Variants in NTM observed in about 807,000 individuals in gnomAD.
NTM encodes neurotrimin.
NTM carries 13 observed loss-of-function variants against 42.1 expected under a neutral mutation model. The ratio of observed to expected loss-of-function variants is 0.31; its 90% CI spans 0.20 to 0.49. The LOEUF (loss-of-function observed/expected upper bound fraction) is 0.49, where lower values mean the gene tolerates loss of function less well. Among genes scored for constraint, NTM ranks in the 20% least tolerant of loss-of-function variants. NTM has a pLI of 0.99. For synonymous variants in NTM, 187 were observed against 179.2 expected (o/e 1.04, Z -0.35); for missense variants, 373 against 452.8 (o/e 0.82, Z 1.60).
chr11:132,174,021 T>C (rs188400177), intron 3 of NTM, among the ~76,000 whole-genome samples: 11 of 152,346 alleles, frequency 7.2e-5, no homozygotes, highest in African/African-American at 2.4e-4. Flanking sequence ...CCATGTCTTA[T>C]ACACCTGTTT....
intron 1 of NTM, among the ~76,000 whole-genome samples, chr11:131,572,919 C>A (rs775976598): frequency 5.9e-5 from 9 of 152,154 alleles, no homozygotes; most frequent in Admixed American, 4.6e-4. Context: ...GAGGAGAGCT[C>A]GGACCATGTC....
At chr11:131,456,141 A>C (rs10894396) in intron 1 of NTM, among the ~76,000 whole-genome samples, 2 of 152,002 alleles carry the variant, frequency 1.3e-5, no homozygotes, top group Admixed American at 6.5e-5. Flanking sequence ...AGCACTAGGC[A>C]TAAGTTGATT....
At chr11:132,334,508 G>GAGAT (rs2095852718) in intron 8 of NTM, among the ~76,000 whole-genome samples, 1 of 152,344 alleles carries the variant, frequency 6.6e-6, no homozygotes, top group African/African-American at 2.4e-5. Flanking sequence ...GCCCTGCCCT[G>GAGAT]AGATAGAGTG....
intron 1 of NTM, among the ~76,000 whole-genome samples, chr11:131,590,690 T>C (rs556362967): frequency 1.3e-5 from 2 of 152,338 alleles, no homozygotes; most frequent in Admixed American, 6.5e-5. Context: ...TAGAATACTA[T>C]TAAAACTCAT....
chr11:131,923,530 G>A (rs1357552010), intron 2 of NTM, among the ~76,000 whole-genome samples: 1 of 152,144 alleles, frequency 6.6e-6, no homozygotes, highest in Non-Finnish European at 1.5e-5. Flanking sequence ...CATTGAGGAG[G>A]AAATTGTCAG....
At chr11:131,641,632 G>A (rs901031831) in intron 1 of NTM, among the ~76,000 whole-genome samples, 15 of 152,120 alleles carry the variant, frequency 9.9e-5, no homozygotes, top group Non-Finnish European at 7.4e-5. Context: ...TTCTTTGAGA[G>A]GAAAAGACTA....
chr11:131,789,663 GAAGAAA>G (rs2090548343), intron 1 of NTM, among the ~76,000 whole-genome samples: 1 of 120,636 alleles, frequency 8.3e-6, no homozygotes, highest in African/African-American at 3.0e-5. Flanking sequence ...AGAAGAAGAA[GAAGAAA>G]GCATGGGCCG....
At chr11:131,869,265 A>G (rs1308589743) in intron 1 of NTM, among the ~76,000 whole-genome samples, 1 of 152,208 alleles carries the variant, frequency 6.6e-6, no homozygotes, top group African/African-American at 2.4e-5. Flanking sequence ...GCGCAAACTC[A>G]TAGCTGCTTC....
At chr11:131,989,074 T>G (rs2066565964) in intron 2 of NTM, among the ~76,000 whole-genome samples, 1 of 152,212 alleles carries the variant, frequency 6.6e-6, no homozygotes, top group Non-Finnish European at 1.5e-5. Context: ...CAATAGAATT[T>G]ATTGGTACTA....
chr11:131,882,850 T>G (rs1418744195), intron 1 of NTM, among the ~76,000 whole-genome samples: 1 of 152,164 alleles, frequency 6.6e-6, no homozygotes, highest in Non-Finnish European at 1.5e-5. Context: ...GAGCAATTGA[T>G]AAAAGGTAGG....
chr11:131,469,995 T>C (rs1952280371), intron 1 of NTM, among the ~76,000 whole-genome samples: 1 of 151,902 alleles, frequency 6.6e-6, no homozygotes, highest in Non-Finnish European at 1.5e-5. Context: ...CTCTTTATGG[T>C]ATTATTCCAA....
At chr11:132,171,434 C>T (rs375978175) in intron 3 of NTM, among the ~76,000 whole-genome samples, 6 of 152,264 alleles carry the variant, frequency 3.9e-5, no homozygotes, top group South Asian at 4.2e-4. Flanking sequence ...TCATTGATGA[C>T]GACACCTTTT....
intron 2 of NTM, among the ~76,000 whole-genome samples, chr11:131,971,163 A>G (rs2063479804): frequency 6.6e-6 from 1 of 152,186 alleles, no homozygotes; most frequent in African/African-American, 2.4e-5. Flanking sequence ...ATGGATTTAC[A>G]AGTGTACACT....
chr11:131,785,036 G>A (rs992976277), intron 1 of NTM, among the ~76,000 whole-genome samples: 2 of 152,178 alleles, frequency 1.3e-5, no homozygotes, highest in African/African-American at 4.8e-5. Context: ...GTGTGTGCGT[G>A]TGTGTGTCTG....
intron 3 of NTM, among the ~76,000 whole-genome samples, chr11:132,158,907 C>G (rs2137565123): frequency 2.0e-5 from 3 of 152,212 alleles, no homozygotes; most frequent in African/African-American, 7.2e-5. Flanking sequence ...CAGGTCACTG[C>G]CTGGAAAGAA....
chr11:131,736,310 C>A (rs1316825328), intron 1 of NTM, among the ~76,000 whole-genome samples: 1 of 152,206 alleles, frequency 6.6e-6, no homozygotes, highest in African/African-American at 2.4e-5. Flanking sequence ...AGCTCTCCTT[C>A]ACACAGTCAT....
chr11:131,483,443 T>C (rs1257898492), intron 1 of NTM, among the ~76,000 whole-genome samples: 1 of 152,228 alleles, frequency 6.6e-6, no homozygotes, highest in African/African-American at 2.4e-5. Flanking sequence ...GACTTACTCC[T>C]TTGTGGTCAT....
chr11:131,437,083 G>A (rs1949197427), intron 1 of NTM, among the ~76,000 whole-genome samples: 1 of 152,218 alleles, frequency 6.6e-6, no homozygotes, highest in East Asian at 1.9e-4. Context: ...TTTCCATGTA[G>A]TTGTGTAGTT....
intron 1 of NTM, chr11:131,794,890 C>A: frequency 1.0e-6 from 1 of 985,282 alleles, no homozygotes; most frequent in Non-Finnish European, 1.2e-6. Flanking sequence ...TGATGGCCAC[C>A]CTTGTCACTG....
Sources: allele counts gnomAD v4.1 joint callset (sites outside exome capture counted in the v4.1 genomes callset), GRCh38; gene constraint gnomAD v4.1.1; transcripts MANE v1.5; gene names NCBI Gene and HGNC (gene_info 2026-07-23, HGNC 2026-07-21).